ACOT7: variants seen among roughly 807,000 people sequenced by gnomAD.
The protein encoded by ACOT7 is cytosolic acyl coenzyme A thioester hydrolase.
In ACOT7, 12 loss-of-function variants were observed where a neutral mutation model predicts 40.2. That is an observed-to-expected ratio of 0.30 (90% CI 0.19 to 0.48). ACOT7 has a LOEUF of 0.48. Among genes scored for constraint, ACOT7 ranks in the 20% least tolerant of loss-of-function variants. The probability of loss-of-function intolerance (pLI) is 0.99; values close to 1 mark genes in which losing one functional copy is unlikely to be tolerated. For missense variants in ACOT7, 395 were observed against 530.8 expected, an observed-to-expected ratio of 0.74 and a Z score of 2.51; for synonymous variants, 228 against 219.5, an observed-to-expected ratio of 1.04 and a Z score of -0.34.
rs1435015262 is a variant in ACOT7 at position 6,383,239 on chromosome 1, G to A, written c.143+10018C>T. Reference sequence around the variant, plus strand: ...GTCTTGCTCTGTTGCCCAGGCTGGAGTGTAGTGGCGCAATCTCAGCTCACT... The same window carrying A: ...GTCTTGCTCTGTTGCCCAGGCTGGAATGTAGTGGCGCAATCTCAGCTCACT... On this transcript the variant is annotated intron_variant, in intron 1 of 8. Transcript: ENST00000361521. 9.6e-5 allele frequency among the ~76,000 whole-genome samples: 14 copies of A among 145,334 alleles called. 1 individual carries two copies. The highest frequency in any genetic ancestry group is 2.2e-4 in the South Asian group (1 of 4,600).
At chr1:6,353,297 C>A (rs1450436280) in intron 1 of ACOT7, among the ~76,000 whole-genome samples, 2 of 151,054 alleles carry the variant, frequency 1.3e-5, no homozygotes, top group African/African-American at 4.9e-5. Context: ...CAAGCCTGGG[C>A]AACAGAGTGA....
intron 5 of ACOT7, among the ~76,000 whole-genome samples, chr1:6,325,635 C>T (rs1431293584): frequency 1.3e-5 from 2 of 152,182 alleles, no homozygotes; most frequent in Admixed American, 6.5e-5. Context: ...GGCTGGAGCA[C>T]AGACTGAGTC....
intron 8 of ACOT7, 24 bp downstream of exon 8, chr1:6,281,078 G>A (rs370566571): frequency 1.3e-5 from 21 of 1,607,538 alleles, no homozygotes; most frequent in Middle Eastern, 1.7e-4. Context: ...GGGAGGGGCC[G>A]CCGTTCCAAG....
At chr1:6,325,813 T>C (rs1482785469) in intron 5 of ACOT7, among the ~76,000 whole-genome samples, 1 of 152,198 alleles carries the variant, frequency 6.6e-6, no homozygotes, top group Non-Finnish European at 1.5e-5. Flanking sequence ...GGTGCTTATG[T>C]GGACTAAGCA....
At chr1:6,388,630 T>C in intron 1 of ACOT7, among the ~76,000 whole-genome samples, 1 of 146,880 alleles carries the variant, frequency 6.8e-6, no homozygotes, top group African/African-American at 2.5e-5. Flanking sequence ...TCCCAGCTAC[T>C]CGGGAAGCTG....
At chr1:6,379,644 T>C (rs530267300) in intron 1 of ACOT7, among the ~76,000 whole-genome samples, 19 of 151,722 alleles carry the variant, frequency 1.3e-4, no homozygotes, top group African/African-American at 4.6e-4. Flanking sequence ...TTTTAATTTG[T>C]AGAGATGGGG....
chr1:6,380,612 G>A (rs760192517), intron 1 of ACOT7, among the ~76,000 whole-genome samples: 3 of 145,186 alleles, frequency 2.1e-5, no homozygotes, highest in Non-Finnish European at 4.5e-5. Context: ...ACAAGAAGAC[G>A]ACCTCTCAAT....
chr1:6,304,459 T>A lies in ACOT7; in HGVS notation c.713-9479A>T, dbSNP rs1254338860. On this transcript the variant is annotated intron_variant, in intron 6 of 8. Coordinates refer to ENST00000361521, the MANE Select transcript of ACOT7 (RefSeq NM_007274.4). Reference sequence around the variant, plus strand: ...TCTCGCAGAGGGGGATTTGGCAGGGTCACAGGACAATAGTGGAGGGAAGGT... The same window carrying A: ...TCTCGCAGAGGGGGATTTGGCAGGGACACAGGACAATAGTGGAGGGAAGGT... Among the ~76,000 whole-genome samples the A allele has an allele frequency of 4.1e-4, 55 of 133,910 alleles. 1 individual carries two copies. The highest frequency in any genetic ancestry group is 1.6e-3 in the African/African-American group (55 of 34,808). The allele number at this position is 133,910 out of a possible 152,430, so 87.9% of individuals were successfully genotyped here. A position where few individuals can be genotyped will look rare whatever the true frequency, so the allele number is the denominator to read the frequency against.
intron 6 of ACOT7, among the ~76,000 whole-genome samples, chr1:6,303,003 C>CA (rs1640013618): frequency 6.6e-6 from 1 of 151,720 alleles, no homozygotes; most frequent in Admixed American, 6.5e-5. Context: ...CACCACTGTC[C>CA]ACCTGGGCCC....
chr1:6,376,452 G>A (rs1265908795), intron 1 of ACOT7, among the ~76,000 whole-genome samples: 1 of 151,960 alleles, frequency 6.6e-6, no homozygotes, highest in African/African-American at 2.4e-5. Flanking sequence ...GGAGGGGCCA[G>A]GCGCGGTGGC....
intron 8 of ACOT7, among the ~76,000 whole-genome samples, chr1:6,276,876 T>A (rs1040926636): frequency 6.6e-6 from 1 of 152,134 alleles, no homozygotes; most frequent in Non-Finnish European, 1.5e-5. Context: ...TAGATCAACA[T>A]GACGCGGCCA....
intron 1 of ACOT7, among the ~76,000 whole-genome samples, chr1:6,386,988 T>G (rs1331867072): frequency 6.6e-6 from 1 of 152,248 alleles, no homozygotes; most frequent in African/African-American, 2.4e-5. Context: ...ATTTGTGAAC[T>G]TCATTCACAA....
At chr1:6,356,271 G>A (rs3789466) in intron 1 of ACOT7, among the ~76,000 whole-genome samples, 11,853 of 152,116 alleles carry the variant, frequency 0.078, 1,089 homozygotes, top group African/African-American at 0.22. Flanking sequence ...CCAGCCTGAG[G>A]AAACTGCTTC....
At chr1:6,380,045 A>G (rs1642306366) in intron 1 of ACOT7, among the ~76,000 whole-genome samples, 1 of 151,748 alleles carries the variant, frequency 6.6e-6, no homozygotes, top group Admixed American at 6.6e-5. Context: ...TAGCCTGGGC[A>G]TCACAGCAAA....
At position 6,352,316 on chromosome 1, in the gene ACOT7, A is replaced by G. The variant is rs1641613251; in HGVS notation, c.144-2450T>C. 1 of 152,546 alleles carries G rather than the reference A, an allele frequency of 6.6e-6. No homozygotes were observed. The highest frequency in any genetic ancestry group is 1.5e-5 in the Non-Finnish European group (1 of 68,314). The allele number at this position is 152,546 out of a possible 1,614,324, so 9.4% of individuals were successfully genotyped here. On this transcript the variant is annotated intron_variant, in intron 1 of 8. Coordinates refer to ENST00000361521, the MANE Select transcript of ACOT7 (RefSeq NM_007274.4). This position sits in a 1 kb window ranked among gnomAD's most constrained non-coding sequence, Gnocchi z 4.5. Reference sequence around the variant, plus strand: ...CAGCTGGGATTCCTTCCCATCCTGCATACCACCACCAGCTGCTCCACACCT... The same window carrying G: ...CAGCTGGGATTCCTTCCCATCCTGCGTACCACCACCAGCTGCTCCACACCT...
chr1:6,383,654 A>G (rs113078295), intron 1 of ACOT7, among the ~76,000 whole-genome samples: 17,933 of 150,740 alleles, frequency 0.12, 1,573 homozygotes, highest in African/African-American at 0.23. Flanking sequence ...TCCTGCCTCA[A>G]TCTCCTGAGT....
chr1:6,273,896 T>C (rs1455999825), intron 8 of ACOT7, among the ~76,000 whole-genome samples: 1 of 152,152 alleles, frequency 6.6e-6, no homozygotes, highest in Non-Finnish European at 1.5e-5. Context: ...GTCTAGGATG[T>C]CGAGGCAGCA....
At chr1:6,269,626 C>A (rs76797748) in intron 8 of ACOT7, among the ~76,000 whole-genome samples, 19 of 152,266 alleles carry the variant, frequency 1.2e-4, no homozygotes, top group African/African-American at 4.3e-4. Flanking sequence ...CAGCAACGGG[C>A]CCCAAGGCGG....
intron 2 of ACOT7, 150 bp from the exon 3 acceptor site, chr1:6,339,739 G>GTTT (rs57275707): frequency 0.017 from 8,651 of 522,762 alleles, 112 homozygotes; most frequent in Middle Eastern, 0.019. Context: ...TGGCACCGCG[G>GTTT]TTTTTTTTTT....
Sources: gnomAD v4.1 joint callset for allele counts (sites outside exome capture counted in the v4.1 genomes callset) on GRCh38, gnomAD v4.1.1 for gene constraint, Gnocchi (gnomAD v3.1) non-coding constraint, MANE v1.5 for transcripts, NCBI Gene and HGNC (gene_info 2026-07-23, HGNC 2026-07-21) for gene names.